The following DPF3 variants were observed in gnomAD, a reference collection of about 807,000 sequenced individuals.
DPF3 encodes double PHD fingers 3.
Under a neutral mutation model 56.8 loss-of-function variants are expected in DPF3, and 18 were observed. That is an observed-to-expected ratio of 0.32 (90% confidence interval 0.22 to 0.47). The LOEUF (loss-of-function observed/expected upper bound fraction) is 0.47. Ranked by LOEUF, DPF3 falls within the 20% of genes least tolerant of loss-of-function variation. DPF3 has a pLI of 1.00. For missense variants in DPF3, 403 were observed against 488.8 expected (o/e 0.82, Z 1.65); for synonymous variants, 188 against 180.2 (o/e 1.04, Z -0.35).
chr14:72,614,580 A>G lies in DPF3; in HGVS notation c.*4717T>C, dbSNP rs1387650320. 6.6e-6 allele frequency among the ~76,000 whole-genome samples: 1 copy of G among 151,984 alleles called. No individual in the cohort carries two copies. Among genetic ancestry groups the G allele is most frequent in the East Asian group, 1.9e-4 (1 of 5,164 alleles). On this transcript the variant is annotated 3_prime_UTR_variant, in exon 11 of 11. Coordinates refer to ENST00000556509, the MANE Select transcript of DPF3 (RefSeq NM_001280542.3). ...CTCCCCAAGGCTGCAGGCATGATCCAGCCCTCCCTCACTGCCTTCTCTCCC... is the reference window on the plus strand; with the variant it reads ...CTCCCCAAGGCTGCAGGCATGATCCGGCCCTCCCTCACTGCCTTCTCTCCC...
chr14:72,816,963 C>T (rs1883315538), intron 1 of DPF3, among the ~76,000 whole-genome samples: 1 of 152,220 alleles, frequency 6.6e-6, no homozygotes, highest in African/African-American at 2.4e-5. Flanking sequence ...ATCTCATCCT[C>T]AGTTTCTCTT....
At chr14:72,673,287 A>C (rs1189638908) in intron 8 of DPF3, among the ~76,000 whole-genome samples, 2 of 152,194 alleles carry the variant, frequency 1.3e-5, no homozygotes, top group Admixed American at 1.3e-4. Context: ...AAGACACTGG[A>C]TAGAAAGGTA....
chr14:72,820,997 T>C (rs1429446329), intron 1 of DPF3, among the ~76,000 whole-genome samples: 1 of 151,600 alleles, frequency 6.6e-6, no homozygotes, highest in African/African-American at 2.4e-5. Flanking sequence ...CCGAGTGTGG[T>C]GGCACATATG....
Position 72,615,165 on chromosome 14 carries a change from C to A in DPF3, c.*4132G>T, listed in dbSNP as rs1040057620. ...AGGGGCTGCTTCTGTCCCAGCACTTCCACGACAGGCTAAAAACCAGCCTGG... is the reference window on the plus strand; with the variant it reads ...AGGGGCTGCTTCTGTCCCAGCACTTACACGACAGGCTAAAAACCAGCCTGG... On this transcript the variant is annotated 3_prime_UTR_variant, in exon 11 of 11. Coordinates refer to ENST00000556509, the MANE Select transcript of DPF3 (RefSeq NM_001280542.3). 3.3e-5 allele frequency among the ~76,000 whole-genome samples: 5 copies of A among 152,174 alleles called. No individual in the cohort carries two copies. The highest frequency in any genetic ancestry group is 5.9e-5 in the Non-Finnish European group (4 of 68,024).
rs150791688 is a variant in DPF3 at position 72,875,466 on chromosome 14, T to G, written c.32+18591A>C. ...ACTTTACATACATTAACTTGCTTAA[T>G]TCTTCCAACAACCCCATAAAGACAA... On this transcript the variant is annotated intron_variant, in intron 1 of 10. Transcript: ENST00000556509. 7.2e-5 allele frequency among the ~76,000 whole-genome samples: 11 copies of G among 152,330 alleles called. No homozygotes were observed. In the East Asian group the frequency reaches 2.1e-3, roughly 29 times the overall value.
intron 7 of DPF3, among the ~76,000 whole-genome samples, chr14:72,681,221 T>A (rs1305841508): frequency 6.6e-6 from 1 of 152,186 alleles, no homozygotes; most frequent in Admixed American, 6.5e-5. Context: ...GACTAGGAAT[T>A]GAGTGGACGG....
chr14:72,619,209 G>A lies in DPF3; in HGVS notation c.*88C>T. On this transcript the variant is annotated 3_prime_UTR_variant, in exon 11 of 11. Coordinates refer to ENST00000556509, the MANE Select transcript of DPF3 (RefSeq NM_001280542.3). Reference sequence around the variant, plus strand: ...TCTTTTCCTTGCAGTTGGTCTGGCTGGATATGTGGGAGGAGGGCGCGTTCT... The same window carrying A: ...TCTTTTCCTTGCAGTTGGTCTGGCTAGATATGTGGGAGGAGGGCGCGTTCT... The A allele has an allele frequency of 1.5e-6, 2 of 1,317,450 alleles. No homozygotes were observed. The highest frequency in any genetic ancestry group is 2.1e-6 in the Non-Finnish European group (2 of 960,366). The allele number at this position is 1,317,450 out of a possible 1,614,324, so 81.6% of individuals were successfully genotyped here.
intron 1 of DPF3, among the ~76,000 whole-genome samples, chr14:72,813,454 G>C (rs958045238): frequency 8.5e-5 from 13 of 152,208 alleles, no homozygotes; most frequent in African/African-American, 3.1e-4. Context: ...TGCAAACTCT[G>C]ACCACGCAGC....
At chr14:72,633,822 A>G (rs1475159372) in intron 8 of DPF3, among the ~76,000 whole-genome samples, 1 of 152,166 alleles carries the variant, frequency 6.6e-6, no homozygotes, top group Non-Finnish European at 1.5e-5. Flanking sequence ...GCATGTAGCA[A>G]CACTCCACCA....
chr14:72,836,394 C>T (rs909075818), intron 1 of DPF3: 3 of 985,570 alleles, frequency 3.0e-6, no homozygotes, highest in Non-Finnish European at 3.6e-6. Flanking sequence ...AGGGGGCAAA[C>T]CCCTGGCCTA....
intron 1 of DPF3, chr14:72,836,407 C>T (rs1197081590): frequency 3.0e-6 from 3 of 985,444 alleles, no homozygotes; most frequent in South Asian, 9.4e-5. Flanking sequence ...CTGGCCTACT[C>T]CAGCCACTGG....
chr14:72,730,508 C>G (rs186616883), intron 4 of DPF3, among the ~76,000 whole-genome samples: 49 of 152,296 alleles, frequency 3.2e-4, no homozygotes, highest in African/African-American at 1.2e-3. Context: ...CGAGACTCAA[C>G]TCTACCCAGC....
At chr14:72,714,279 C>T in intron 6 of DPF3, 144 bp downstream of exon 6, 2 of 1,031,712 alleles carry the variant, frequency 1.9e-6, no homozygotes, top group East Asian at 2.6e-5. Context: ...GTGGAGGCGG[C>T]AGGCGAGTAA....
intron 9 of DPF3, among the ~76,000 whole-genome samples, chr14:72,623,748 T>C (rs1238527104): frequency 2.0e-5 from 3 of 152,188 alleles, no homozygotes; most frequent in African/African-American, 7.2e-5. Context: ...AAAAATATTT[T>C]CTACCTCTGT....
chr14:72,823,545 G>C (rs1883647940), intron 1 of DPF3, among the ~76,000 whole-genome samples: 1 of 152,176 alleles, frequency 6.6e-6, no homozygotes, highest in Non-Finnish European at 1.5e-5. Context: ...CTCGCCCACT[G>C]TTATATACGG....
intron 8 of DPF3, among the ~76,000 whole-genome samples, chr14:72,653,548 G>A (rs940428810): frequency 2.0e-5 from 3 of 152,144 alleles, no homozygotes; most frequent in South Asian, 2.1e-4. Context: ...GGAGCTTCAC[G>A]GCCAGCAACT....
intron 7 of DPF3, among the ~76,000 whole-genome samples, chr14:72,691,898 G>A (rs1055997157): frequency 1.3e-5 from 2 of 152,102 alleles, no homozygotes; most frequent in African/African-American, 4.8e-5. Flanking sequence ...CCAGAACTGT[G>A]AGAAAATTAA....
chr14:72,664,882 G>A (rs1469135280), intron 8 of DPF3, among the ~76,000 whole-genome samples: 1 of 152,194 alleles, frequency 6.6e-6, no homozygotes, highest in Non-Finnish European at 1.5e-5. Context: ...GTTTGAGAAG[G>A]ACTACAAGCA....
At chr14:72,633,080 G>A (rs1384870279) in intron 8 of DPF3, among the ~76,000 whole-genome samples, 1 of 152,212 alleles carries the variant, frequency 6.6e-6, no homozygotes, top group Non-Finnish European at 1.5e-5. Context: ...TTGTTTGAAT[G>A]TTGGGAATAT....
Sources: gnomAD v4.1 joint callset for allele counts (sites outside exome capture counted in the v4.1 genomes callset) on GRCh38, gnomAD v4.1.1 for gene constraint, MANE v1.5 for transcripts, NCBI Gene and HGNC (gene_info 2026-07-23, HGNC 2026-07-21) for gene names.